Variants in PCDHGA9 observed in about 807,000 individuals in gnomAD.
PCDHGA9 encodes the protein protocadherin gamma-A9.
A neutral mutation model predicts 62.5 loss-of-function variants in PCDHGA9; 37 were observed. That is an observed-to-expected ratio of 0.59 (90% CI 0.46 to 0.78). The LOEUF is 0.78. Among genes scored for constraint, PCDHGA9 ranks in the 30% least tolerant of loss-of-function variants. The pLI is 0.00. For synonymous variants in PCDHGA9, 459 were observed against 484.6 expected, an observed-to-expected ratio of 0.95 and a Z score of 0.69; for missense variants, 1,138 against 1,166.2, an observed-to-expected ratio of 0.98 and a Z score of 0.35.
chr5:141,477,052 C>T lies in PCDHGA9; in HGVS notation c.2425-17755C>T. On this transcript the variant is annotated intron_variant, in intron 1 of 3. Coordinates refer to ENST00000573521, the MANE Select transcript of PCDHGA9 (RefSeq NM_018921.3). The surrounding 1 kb of genome is among the most constrained non-coding windows in gnomAD (Gnocchi z 4.9). ...TGACAATCAAGGGTCGGCTGGACTT[C>T]GAGGACACCAAACTCCATGAGATTT... 1.2e-6 allele frequency: 2 copies of T among 1,614,240 alleles called. No individual in the cohort carries two copies. The highest frequency in any genetic ancestry group is 1.7e-6 in the Non-Finnish European group (2 of 1,180,032).
chr5:141,501,666 T>C (rs2099810374), intron 2 of PCDHGA9, among the ~76,000 whole-genome samples: 1 of 152,142 alleles, frequency 6.6e-6, no homozygotes. Context: ...TTGGAAAATA[T>C]AGATAATCAC....
chr5:141,430,661 GCT>G, intron 1 of PCDHGA9: 1 of 1,159,744 alleles, frequency 8.6e-7, no homozygotes, highest in South Asian at 2.1e-5. Flanking sequence ...CAACGGAGGA[GCT>G]CTGACTTCCC....
chr5:141,418,419 A>G (rs1181055959), intron 1 of PCDHGA9: 1 of 1,613,900 alleles, frequency 6.2e-7, no homozygotes, highest in Non-Finnish European at 8.5e-7. Flanking sequence ...GACAATCCTG[A>G]TGGTGGCAAA....
chr5:141,460,587 T>C (rs1461971599), intron 1 of PCDHGA9, among the ~76,000 whole-genome samples: 1 of 152,170 alleles, frequency 6.6e-6, no homozygotes, highest in Non-Finnish European at 1.5e-5. Flanking sequence ...TGTGGGTTTT[T>C]TCTGGGCTCT....
chr5:141,452,641 CT>C (rs1351640847), intron 1 of PCDHGA9, among the ~76,000 whole-genome samples: 3 of 151,934 alleles, frequency 2.0e-5, no homozygotes, highest in Admixed American at 1.3e-4. Flanking sequence ...AATATATTTA[CT>C]CATTTGCTCC....
At chr5:141,406,331 C>A (rs577134835) in intron 1 of PCDHGA9, among the ~76,000 whole-genome samples, 22 of 152,002 alleles carry the variant, frequency 1.4e-4, no homozygotes, top group Non-Finnish European at 2.8e-4. Context: ...CTTACTCCTA[C>A]GATCATTTAT....
At chr5:141,410,886 C>A in intron 1 of PCDHGA9, 1 of 290,056 alleles carries the variant, frequency 3.4e-6, no homozygotes, top group Non-Finnish European at 5.6e-6. Flanking sequence ...TGGAGTCTCG[C>A]ACTGTTGCCT....
rs756252337 is a variant in PCDHGA9, at chr5:141,413,183, C to T, written c.2424+7807C>T. The T allele has an allele frequency of 3.7e-6, 6 of 1,605,222 alleles. No individual in the cohort carries two copies. The Admixed American group carries it at 1.0e-4, about 27-fold the overall frequency. Reference sequence around the variant, plus strand: ...TTCTGTAACCAGACTACAATGGCCGCTCAAAGGAATCGCTCAAAGGAATCA... The same window carrying T: ...TTCTGTAACCAGACTACAATGGCCGTTCAAAGGAATCGCTCAAAGGAATCA... On this transcript the variant is annotated intron_variant, in intron 1 of 3. Transcript: ENST00000573521.
rs764434052 is a variant in PCDHGA9, at chr5:141,431,792, C to T, written c.2424+26416C>T. ...TGTTCTGGACGTGAACGACAATGCC[C>T]CAGAAGTGGTCCTCACCTCTCTCGC... is the stretch of plus-strand genomic sequence containing the variant. On this transcript the variant is annotated intron_variant, in intron 1 of 3. Transcript: ENST00000573521. This position sits in a 1 kb window ranked among gnomAD's most constrained non-coding sequence, Gnocchi z 4.8. The T allele has an allele frequency of 3.7e-6, 6 of 1,614,234 alleles. No homozygotes were observed. The South Asian group carries it at 6.6e-5, about 18-fold the overall frequency.
chr5:141,473,017 A>AGAAG (rs1484773075), intron 1 of PCDHGA9, among the ~76,000 whole-genome samples: 3 of 151,764 alleles, frequency 2.0e-5, no homozygotes, highest in African/African-American at 4.8e-5. Flanking sequence ...AGAAAAAGAA[A>AGAAG]GAAGGAAGGA....
chr5:141,469,283 T>C (rs576231993), intron 1 of PCDHGA9, among the ~76,000 whole-genome samples: 1 of 149,898 alleles, frequency 6.7e-6, no homozygotes, highest in African/African-American at 2.5e-5. Flanking sequence ...TCTCAAAAAA[T>C]AAAACAAAAT....
intron 1 of PCDHGA9, chr5:141,423,559 G>T: frequency 6.2e-7 from 1 of 1,613,584 alleles, no homozygotes; most frequent in Non-Finnish European, 8.5e-7. Flanking sequence ...CAACTATGGG[G>T]ACACGCTCAT....
At chr5:141,433,056 G>A (rs1422450948) in intron 1 of PCDHGA9, 1 of 1,614,204 alleles carries the variant, frequency 6.2e-7, no homozygotes, top group South Asian at 1.1e-5. Context: ...TCGCGGAAGA[G>A]TCACCTGATC....
chr5:141,499,570 A>G (rs1027373056), intron 2 of PCDHGA9, among the ~76,000 whole-genome samples: 2 of 152,200 alleles, frequency 1.3e-5, no homozygotes, highest in African/African-American at 4.8e-5. Context: ...TCCAGCTTCA[A>G]CTAATGCCTT....
At position 141,408,331 on chromosome 5, in the gene PCDHGA9, G is replaced by C. The variant is rs779178317; in HGVS notation, c.2424+2955G>C. On this transcript the variant is annotated intron_variant, in intron 1 of 3. Transcript: ENST00000573521. Reference sequence around the variant, plus strand: ...ACTCGATTCCGGAGGAGCTGGCCAAGGGCTCGGTGGTGGGGAACCTCGCTA... The same window carrying C: ...ACTCGATTCCGGAGGAGCTGGCCAACGGCTCGGTGGTGGGGAACCTCGCTA... 3.1e-6 allele frequency: 5 copies of C among 1,613,932 alleles called. No individual in the cohort carries two copies. In the South Asian group the frequency reaches 5.5e-5, roughly 18 times the overall value.
chr5:141,450,183 A>G (rs1461369835), intron 1 of PCDHGA9, among the ~76,000 whole-genome samples: 1 of 151,558 alleles, frequency 6.6e-6, no homozygotes, highest in Non-Finnish European at 1.5e-5. Context: ...ACACCCAGCT[A>G]ATTTTTGTAT....
Position 141,476,962 on chromosome 5 carries a change from C to T in PCDHGA9, c.2425-17845C>T. The stretch of plus-strand genomic sequence containing the variant: ...GCCCCAACGGTGAAATTATTTACTC[C>T]TTCGGCAGCCACAACCGCGCCGGCG... On this transcript the variant is annotated intron_variant, in intron 1 of 3. Coordinates refer to ENST00000573521, the MANE Select transcript of PCDHGA9 (RefSeq NM_018921.3). The surrounding 1 kb of genome is among the most constrained non-coding windows in gnomAD (Gnocchi z 7.6). 6.2e-7 allele frequency: 1 copy of T among 1,614,200 alleles called. No homozygotes were observed. Among genetic ancestry groups the T allele is most frequent in the South Asian group, 1.1e-5 (1 of 91,090 alleles).
intron 1 of PCDHGA9, chr5:141,415,762 T>TGTTTG: frequency 7.1e-7 from 1 of 1,399,990 alleles, no homozygotes; most frequent in Non-Finnish European, 9.3e-7. Flanking sequence ...TTTTTTTTTT[T>TGTTTG]TTTTTTTTTT....
At chr5:141,426,639 AATGTGATGATAGAAGATATAAATG>A (rs1418104928) in intron 1 of PCDHGA9, 1 of 407,642 alleles carries the variant, frequency 2.5e-6, no homozygotes, top group Non-Finnish European at 5.0e-6. Context: ...TTTTCACATA[AATGTGATGATAGAAGATATAAATG>A]ATAACCCACC....
Sources: allele counts gnomAD v4.1 joint callset (sites outside exome capture counted in the v4.1 genomes callset), GRCh38; gene constraint gnomAD v4.1.1; non-coding constraint Gnocchi (gnomAD v3.1); transcripts MANE v1.5; gene names NCBI Gene and HGNC (gene_info 2026-07-23, HGNC 2026-07-21).